The following MYO1B variants were observed in gnomAD, a reference collection of about 807,000 sequenced individuals.
The protein encoded by MYO1B is myosin IB, also known as unconventional myosin-Ib.
In MYO1B, 72 loss-of-function variants were observed where a neutral mutation model predicts 159.7. The ratio of observed to expected loss-of-function variants is 0.45; its 90% CI spans 0.37 to 0.55. The LOEUF (loss-of-function observed/expected upper bound fraction) is 0.55. Among genes scored for constraint, MYO1B ranks in the 20% least tolerant of loss-of-function variants. MYO1B has a pLI of 0.00. For synonymous variants in MYO1B, 468 were observed against 473.8 expected (o/e 0.99, Z 0.16); for missense variants, 1,062 against 1,364.8 (o/e 0.78, Z 3.50).
At chr2:191,351,187 C>T (rs1210007648) in intron 7 of MYO1B, among the ~76,000 whole-genome samples, 1 of 126,512 alleles carries the variant, frequency 7.9e-6, no homozygotes, top group African/African-American at 2.9e-5. Flanking sequence ...ATGTTTAGAC[C>T]TAAAAAAAAA....
intron 22 of MYO1B, 72 bp downstream of exon 22, chr2:191,400,540 A>G (rs935347111): frequency 3.2e-6 from 5 of 1,539,836 alleles, no homozygotes; most frequent in Non-Finnish European, 4.5e-6. Flanking sequence ...CCTCGGCTTC[A>G]GGGGCAGAAA....
chr2:191,394,275 G>T (rs1316030343), intron 20 of MYO1B, among the ~76,000 whole-genome samples: 1 of 152,164 alleles, frequency 6.6e-6, no homozygotes, highest in Non-Finnish European at 1.5e-5. Flanking sequence ...CCTGGTGGCC[G>T]TGGAGTCTCC....
At chr2:191,256,706 A>G (rs1686474920) in intron 1 of MYO1B, among the ~76,000 whole-genome samples, 1 of 152,202 alleles carries the variant, frequency 6.6e-6, no homozygotes, top group African/African-American at 2.4e-5. Context: ...TAATAATATA[A>G]TAAAATTATT....
intron 2 of MYO1B, among the ~76,000 whole-genome samples, chr2:191,280,753 G>A (rs990112710): frequency 5.3e-5 from 8 of 152,212 alleles, no homozygotes; most frequent in Admixed American, 5.2e-4. Context: ...ACACTAAGAA[G>A]AGAAAAGGGG....
In MYO1B at chr2:191,370,382, G is replaced by T. The variant is rs895656125; in HGVS notation, c.1185+90G>T. 19 of 868,582 alleles carry T rather than the reference G, an allele frequency of 2.2e-5. No homozygotes were observed. In the Admixed American group the frequency reaches 4.2e-4, roughly 19 times the overall value. The allele number at this position is 868,582 out of a possible 1,614,324, so 53.8% of individuals were successfully genotyped here. On this transcript the variant is annotated intron_variant, in intron 13 of 30. Transcript: ENST00000392318. ...TATTATGTAGACATTATAAGTAACT[G>T]TAACTTTGAATCTACAAATAATCCT...
intron 2 of MYO1B, among the ~76,000 whole-genome samples, chr2:191,280,823 G>T (rs2125758057): frequency 6.6e-6 from 1 of 152,326 alleles, no homozygotes; most frequent in Middle Eastern, 3.4e-3. Flanking sequence ...AGGGAGTTCT[G>T]TAATGAAGTG....
At chr2:191,401,984 T>G (rs923033176) in intron 23 of MYO1B, 3 of 152,652 alleles carry the variant, frequency 2.0e-5, no homozygotes, top group Non-Finnish European at 2.9e-5. Context: ...CCTATAAGTT[T>G]AACCTATAAT....
At chr2:191,288,198 C>T (rs1360680442) in intron 2 of MYO1B, among the ~76,000 whole-genome samples, 1 of 149,756 alleles carries the variant, frequency 6.7e-6, no homozygotes, top group Non-Finnish European at 1.5e-5. Flanking sequence ...GAGTCCCTGG[C>T]AAATTGTACT....
chr2:191,359,044 C>A (rs981044131), intron 7 of MYO1B, among the ~76,000 whole-genome samples: 3 of 152,148 alleles, frequency 2.0e-5, no homozygotes, highest in Non-Finnish European at 1.5e-5. Flanking sequence ...GAGGAATTTC[C>A]TATAAAAATT....
intron 13 of MYO1B, among the ~76,000 whole-genome samples, chr2:191,373,081 A>T (rs1004927264): frequency 6.6e-6 from 1 of 151,678 alleles, no homozygotes; most frequent in Admixed American, 6.6e-5. Context: ...CGATCTTTTG[A>T]CTTCATGATC....
chr2:191,279,449 G>A (rs1178746372), intron 2 of MYO1B, among the ~76,000 whole-genome samples: 2 of 152,108 alleles, frequency 1.3e-5, no homozygotes, highest in African/African-American at 2.4e-5. Flanking sequence ...GATAGGGCAT[G>A]GGGACAGGGA....
chr2:191,272,837 A>G (rs1339793950), intron 1 of MYO1B, among the ~76,000 whole-genome samples: 2 of 152,198 alleles, frequency 1.3e-5, no homozygotes, highest in Non-Finnish European at 2.9e-5. Context: ...TTGTCAGTCC[A>G]AGACAGCAGG....
At chr2:191,319,181 T>A (rs1025276050) in intron 3 of MYO1B, among the ~76,000 whole-genome samples, 34 of 152,274 alleles carry the variant, frequency 2.2e-4, no homozygotes, top group African/African-American at 7.7e-4. Context: ...ACCATAAACA[T>A]AAGCAATCTC....
chr2:191,266,479 G>A (rs1687148492), intron 1 of MYO1B, among the ~76,000 whole-genome samples: 1 of 152,202 alleles, frequency 6.6e-6, no homozygotes, highest in Admixed American at 6.5e-5. Flanking sequence ...AACTATTGCT[G>A]CAAGCCTTCT....
chr2:191,257,755 A>G (rs1227338916), intron 1 of MYO1B, among the ~76,000 whole-genome samples: 1 of 152,238 alleles, frequency 6.6e-6, no homozygotes. Flanking sequence ...AGCTGTTTAC[A>G]TGAGGAATAT....
chr2:191,262,434 T>G (rs1686872704), intron 1 of MYO1B, among the ~76,000 whole-genome samples: 1 of 152,162 alleles, frequency 6.6e-6, no homozygotes. Context: ...AAATTTGTTG[T>G]CTCTATTGTG....
chr2:191,371,142 T>C (rs1233424795), intron 13 of MYO1B: 3 of 152,206 alleles, frequency 2.0e-5, no homozygotes, highest in Non-Finnish European at 2.9e-5. Context: ...GGTATTTTAG[T>C]TTGGTTCACG....
At position 191,398,368 on chromosome 2, in the gene MYO1B, T is replaced by C. The variant is rs1401473874; in HGVS notation, c.2295+1871T>C. 7.5e-5 allele frequency among the ~76,000 whole-genome samples: 7 copies of C among 93,816 alleles called. 1 individual carries two copies. The highest frequency in any genetic ancestry group is 1.4e-4 in the Non-Finnish European group (6 of 41,658). The allele number at this position is 93,816 out of a possible 152,430, so 61.5% of individuals were successfully genotyped here. A position where few individuals can be genotyped will look rare whatever the true frequency, so the allele number is the denominator to read the frequency against. On this transcript the variant is annotated intron_variant, in intron 21 of 30. Coordinates refer to ENST00000392318, the MANE Select transcript of MYO1B (RefSeq NM_001130158.3). ...CTCCTCACTTCCCAGTAGGGGCGGC[T>C]GGGCAGAGGAGCCCCTCACCTCCCG...
intron 26 of MYO1B, among the ~76,000 whole-genome samples, chr2:191,410,470 AGG>A (rs1697188036): frequency 6.6e-6 from 1 of 152,208 alleles, no homozygotes; most frequent in Admixed American, 6.5e-5. Flanking sequence ...GGGATATCTC[AGG>A]TCCCTCATCC....
Sources: gnomAD v4.1 joint callset for allele counts (sites outside exome capture counted in the v4.1 genomes callset) on GRCh38, gnomAD v4.1.1 for gene constraint, MANE v1.5 for transcripts, NCBI Gene and HGNC (gene_info 2026-07-23, HGNC 2026-07-21) for gene names.